RAPGEF4: variants seen among roughly 807,000 people sequenced by gnomAD.
RAPGEF4 encodes RAP guanine-nucleotide-exchange factor (GEF) 4.
RAPGEF4 carries 66 observed loss-of-function variants against 147.9 expected under a neutral mutation model. The observed-to-expected ratio is 0.45, with a 90% confidence interval of 0.37 to 0.55. The LOEUF (loss-of-function observed/expected upper bound fraction) is 0.55, where lower values mean the gene tolerates loss of function less well. RAPGEF4 is among the 20% of genes least tolerant of loss of function. The pLI is 0.00. For missense variants in RAPGEF4, 1,071 were observed against 1,257.3 expected, an observed-to-expected ratio of 0.85 and a Z score of 2.24; for synonymous variants, 419 against 442.7, an observed-to-expected ratio of 0.95 and a Z score of 0.67.
At chr2:172,774,976 A>G (rs1684016653) in intron 1 of RAPGEF4, among the ~76,000 whole-genome samples, 1 of 152,210 alleles carries the variant, frequency 6.6e-6, no homozygotes, top group African/African-American at 2.4e-5. Flanking sequence ...TTGCTTGCTC[A>G]GAGACTTGGG....
intron 1 of RAPGEF4, among the ~76,000 whole-genome samples, chr2:172,786,864 A>G (rs569565148): frequency 6.6e-6 from 1 of 152,258 alleles, no homozygotes; most frequent in African/African-American, 2.4e-5. Context: ...TCTAGCCCAG[A>G]CAACATAGCA....
intron 6 of RAPGEF4, among the ~76,000 whole-genome samples, chr2:172,950,304 G>C (rs896805882): frequency 6.6e-6 from 1 of 152,344 alleles, no homozygotes; most frequent in South Asian, 2.1e-4. Flanking sequence ...GTGGTACCCA[G>C]TGGCGGGGGC....
intron 1 of RAPGEF4, among the ~76,000 whole-genome samples, chr2:172,782,613 T>A (rs1327136744): frequency 6.6e-6 from 1 of 152,176 alleles, no homozygotes; most frequent in African/African-American, 2.4e-5. Context: ...ACGAAATGAT[T>A]TTTGAGAGCC....
intron 4 of RAPGEF4, among the ~76,000 whole-genome samples, chr2:172,821,139 A>G (rs945355002): frequency 6.6e-6 from 1 of 152,234 alleles, no homozygotes; most frequent in Non-Finnish European, 1.5e-5. Flanking sequence ...CAGAACACAG[A>G]TATCCCAGAA....
intron 4 of RAPGEF4, among the ~76,000 whole-genome samples, chr2:172,869,307 T>C (rs1273441392): frequency 6.6e-6 from 1 of 152,222 alleles, no homozygotes; most frequent in African/African-American, 2.4e-5. Context: ...TTCTTAGTTA[T>C]TGTGTTATTG....
At chr2:172,850,891 A>C (rs1467886218) in intron 4 of RAPGEF4, among the ~76,000 whole-genome samples, 1 of 152,114 alleles carries the variant, frequency 6.6e-6, no homozygotes, top group Admixed American at 6.5e-5. Flanking sequence ...TCAAAGAACC[A>C]ATTTCTGGTT....
chr2:172,769,293 A>C (rs1156987034), intron 1 of RAPGEF4, among the ~76,000 whole-genome samples: 1 of 152,162 alleles, frequency 6.6e-6, no homozygotes, highest in Admixed American at 6.5e-5. Flanking sequence ...GGAAGGCCAG[A>C]TGGTTGAAGC....
At chr2:172,896,760 G>A (rs932078468) in intron 4 of RAPGEF4, among the ~76,000 whole-genome samples, 2 of 152,172 alleles carry the variant, frequency 1.3e-5, no homozygotes, top group African/African-American at 4.8e-5. Flanking sequence ...CAAGCTTGTT[G>A]GAGAGCATGC....
chr2:172,816,791 T>C (rs1688557600), intron 4 of RAPGEF4, among the ~76,000 whole-genome samples: 1 of 152,198 alleles, frequency 6.6e-6, no homozygotes, highest in Admixed American at 6.5e-5. Flanking sequence ...CAGGAGTGGA[T>C]AGTTTTTAGT....
At chr2:173,009,096 A>G (rs1259498029) in intron 17 of RAPGEF4, among the ~76,000 whole-genome samples, 1 of 152,238 alleles carries the variant, frequency 6.6e-6, no homozygotes, top group Non-Finnish European at 1.5e-5. Context: ...GTCATCCTGT[A>G]GATTAAATAC....
rs532343841 is a variant in RAPGEF4, at chr2:173,042,752, T to C, written c.2854-5848T>C. On this transcript the variant is annotated intron_variant, in intron 29 of 30. Transcript: ENST00000397081. The surrounding 1 kb of genome is among the most constrained non-coding windows in gnomAD (Gnocchi z 4.2). ...CCAGACATTATTCTGTCCCCCCTCC[T>C]CCCTGTGGTGCTGTGTCTGTCCTCC... Among the ~76,000 whole-genome samples, 1 of 152,328 alleles carries C rather than the reference T, an allele frequency of 6.6e-6. No homozygotes were observed. The highest frequency in any genetic ancestry group is 1.9e-4 in the East Asian group (1 of 5,188).
At chr2:172,743,312 G>A (rs372404319) in intron 1 of RAPGEF4, among the ~76,000 whole-genome samples, 1 of 152,148 alleles carries the variant, frequency 6.6e-6, no homozygotes, top group Non-Finnish European at 1.5e-5. Flanking sequence ...TCTGGCTGAC[G>A]AGCGGAGGCG....
At position 172,879,116 on chromosome 2, in the gene RAPGEF4, T is replaced by G. The variant is rs187044539; in HGVS notation, c.445-38686T>G. 5.4e-3 allele frequency among the ~76,000 whole-genome samples: 822 copies of G among 152,340 alleles called. 6 individuals are homozygous for G. Among genetic ancestry groups the G allele is most frequent in the African/African-American group, 0.019 (773 of 41,582 alleles). On this transcript the variant is annotated intron_variant, in intron 4 of 30. Coordinates refer to ENST00000397081, the MANE Select transcript of RAPGEF4 (RefSeq NM_007023.4). ...AAGATATTATATAAGGGCCTGTTTTTGGTAGTATTGTTTGCTATAGCCAAC... is the reference window on the plus strand; with the variant it reads ...AAGATATTATATAAGGGCCTGTTTTGGGTAGTATTGTTTGCTATAGCCAAC...
chr2:172,737,992 CA>C (rs1244753719), intron 1 of RAPGEF4, among the ~76,000 whole-genome samples: 1 of 152,186 alleles, frequency 6.6e-6, no homozygotes, highest in African/African-American at 2.4e-5. Context: ...CTGCAGTGTT[CA>C]TGCCAGAATT....
intron 4 of RAPGEF4, among the ~76,000 whole-genome samples, chr2:172,848,537 T>A (rs1046443707): frequency 6.6e-6 from 1 of 152,204 alleles, no homozygotes; most frequent in Non-Finnish European, 1.5e-5. Context: ...GATACCACTT[T>A]AATGAAACAC....
At chr2:172,935,925 A>T (rs993490550) in intron 6 of RAPGEF4, among the ~76,000 whole-genome samples, 17 of 152,346 alleles carry the variant, frequency 1.1e-4, no homozygotes, top group African/African-American at 4.1e-4. Context: ...CCAAATTTAC[A>T]TTCAGATAAG....
At chr2:173,016,209 G>C in intron 18 of RAPGEF4, 140 bp from the exon 19 acceptor site, 3 of 610,336 alleles carry the variant, frequency 4.9e-6, no homozygotes, top group African/African-American at 1.9e-5. Flanking sequence ...TTTCTTCTTT[G>C]TTCTTCCTCC....
chr2:172,993,566 T>C (rs1375569781), intron 15 of RAPGEF4, among the ~76,000 whole-genome samples: 1 of 152,204 alleles, frequency 6.6e-6, no homozygotes, highest in Admixed American at 6.5e-5. Flanking sequence ...CTAGAGTCGC[T>C]CTTTCATGAA....
At chr2:172,958,263 A>C (rs1406828592) in intron 6 of RAPGEF4, among the ~76,000 whole-genome samples, 2 of 152,356 alleles carry the variant, frequency 1.3e-5, no homozygotes, top group South Asian at 2.1e-4. Context: ...GATTTCTACT[A>C]TTATTTTCAA....
Sources: gnomAD v4.1 joint callset for allele counts (sites outside exome capture counted in the v4.1 genomes callset) on GRCh38, gnomAD v4.1.1 for gene constraint, Gnocchi (gnomAD v3.1) non-coding constraint, MANE v1.5 for transcripts, NCBI Gene and HGNC (gene_info 2026-07-23, HGNC 2026-07-21) for gene names.